Variants in DLG2 observed in about 807,000 individuals in gnomAD.
The protein encoded by DLG2 is disks large homolog 2.
DLG2 carries 45 observed loss-of-function variants against 132.5 expected under a neutral mutation model. That is an observed-to-expected ratio of 0.34 (90% CI 0.27 to 0.44). The LOEUF (loss-of-function observed/expected upper bound fraction) is 0.44. Among genes scored for constraint, DLG2 ranks in the 20% least tolerant of loss-of-function variants. The pLI is 1.00. For synonymous variants in DLG2, 424 were observed against 419.6 expected (o/e 1.01, Z -0.13); for missense variants, 1,045 against 1,196.9 (o/e 0.87, Z 1.87).
intron 6 of DLG2, among the ~76,000 whole-genome samples, chr11:84,838,587 C>T (rs758334189): frequency 1.3e-5 from 2 of 151,880 alleles, no homozygotes; most frequent in African/African-American, 2.4e-5. Flanking sequence ...CATTTTTATT[C>T]ATAATCCCTA....
intron 20 of DLG2, 58 bp from the exon 21 acceptor site, chr11:83,532,841 C>T: frequency 1.4e-6 from 2 of 1,434,716 alleles, no homozygotes; most frequent in South Asian, 1.2e-5. Flanking sequence ...TGACTAAGTT[C>T]CATATTAAGT....
At chr11:84,546,217 C>T (rs1244036995) in intron 6 of DLG2, among the ~76,000 whole-genome samples, 1 of 152,142 alleles carries the variant, frequency 6.6e-6, no homozygotes, top group African/African-American at 2.4e-5. Context: ...TTAGCATCAT[C>T]TCCCTGGTGC....
intron 21 of DLG2, among the ~76,000 whole-genome samples, chr11:83,500,298 A>T (rs2094399575): frequency 6.6e-6 from 1 of 152,116 alleles, no homozygotes; most frequent in Non-Finnish European, 1.5e-5. Context: ...TAATTAGGCA[A>T]GCCTTCTAAC....
rs141330363 is a variant in DLG2 at position 84,510,585 on chromosome 11, T to C, written c.519+23985A>G. Among the ~76,000 whole-genome samples, 1,405 of 152,258 alleles carry C rather than the reference T, an allele frequency of 9.2e-3. 15 individuals carry two copies. The highest frequency in any genetic ancestry group is 0.031 in the Middle Eastern group (9 of 294). On this transcript the variant is annotated intron_variant, in intron 7 of 27. Transcript: ENST00000376104. ...GAGAATAACAATAGTACTAACCTCATAGAATTGTTGTGAGGAATAGTATCC... is the reference window on the plus strand; with the variant it reads ...GAGAATAACAATAGTACTAACCTCACAGAATTGTTGTGAGGAATAGTATCC...
At chr11:84,631,421 A>C (rs74726121) in intron 6 of DLG2, among the ~76,000 whole-genome samples, 14,325 of 152,228 alleles carry the variant, frequency 0.094, 846 homozygotes, top group Admixed American at 0.16. Flanking sequence ...GCTATAGAGA[A>C]AATGATTTAA....
chr11:84,348,527 C>T (rs2098548825), intron 7 of DLG2, among the ~76,000 whole-genome samples: 1 of 152,142 alleles, frequency 6.6e-6, no homozygotes, highest in Non-Finnish European at 1.5e-5. Flanking sequence ...ATTTCTCAAA[C>T]CCTTAATATG....
At chr11:84,399,310 GT>G (rs2098821581) in intron 7 of DLG2, among the ~76,000 whole-genome samples, 2 of 151,982 alleles carry the variant, frequency 1.3e-5, no homozygotes, top group Non-Finnish European at 2.9e-5. Flanking sequence ...ATAGCCCTTT[GT>G]AGACACTTTC....
intron 3 of DLG2, among the ~76,000 whole-genome samples, chr11:85,325,064 C>T (rs372150983): frequency 1.4e-4 from 7 of 50,966 alleles, no homozygotes; most frequent in South Asian, 1.8e-3. Context: ...CTTTTCAGAC[C>T]GGCTTAAGAA....
At chr11:84,819,082 C>CACACACACACAT (rs1197962426) in intron 6 of DLG2, among the ~76,000 whole-genome samples, 3 of 144,576 alleles carry the variant, frequency 2.1e-5, no homozygotes, top group African/African-American at 7.8e-5. Flanking sequence ...CAAATACACA[C>CACACACACACAT]ACACACACAC....
At chr11:85,259,942 G>T (rs990126904) in intron 4 of DLG2, among the ~76,000 whole-genome samples, 1 of 152,080 alleles carries the variant, frequency 6.6e-6, no homozygotes, top group Non-Finnish European at 1.5e-5. Flanking sequence ...GTTTTTTAAA[G>T]TAATAAATGA....
At chr11:85,522,111 T>C (rs766156434) in intron 3 of DLG2, among the ~76,000 whole-genome samples, 2 of 152,156 alleles carry the variant, frequency 1.3e-5, no homozygotes, top group Non-Finnish European at 2.9e-5. Flanking sequence ...AAAAATTGTT[T>C]CCTGGGTTGG....
intron 6 of DLG2, among the ~76,000 whole-genome samples, chr11:85,010,175 A>C (rs947113611): frequency 4.6e-5 from 7 of 152,076 alleles, no homozygotes; most frequent in Non-Finnish European, 1.5e-5. Flanking sequence ...ATTATCAGTA[A>C]AGTGAAATTT....
intron 4 of DLG2, among the ~76,000 whole-genome samples, chr11:85,200,785 G>A (rs996718088): frequency 1.3e-5 from 2 of 152,004 alleles, no homozygotes; most frequent in African/African-American, 4.8e-5. Flanking sequence ...AGATCCCAAG[G>A]GACCTCCCTC....
At chr11:84,797,858 G>C (rs567864366) in intron 6 of DLG2, among the ~76,000 whole-genome samples, 30 of 152,282 alleles carry the variant, frequency 2.0e-4, no homozygotes, top group Non-Finnish European at 2.8e-4. Context: ...TTCTTGGGAA[G>C]TCTTTCCAAG....
At chr11:84,603,736 A>T (rs1356167206) in intron 6 of DLG2, among the ~76,000 whole-genome samples, 1 of 151,962 alleles carries the variant, frequency 6.6e-6, no homozygotes, top group Non-Finnish European at 1.5e-5. Context: ...TTGGTTTATG[A>T]CAAGATTATC....
chr11:85,580,504 A>G (rs1262197675), intron 3 of DLG2, among the ~76,000 whole-genome samples: 1 of 152,254 alleles, frequency 6.6e-6, no homozygotes, highest in Admixed American at 6.5e-5. Context: ...AGATGACAAT[A>G]GTAGCAAACA....
chr11:84,398,659 G>C (rs1240609836), intron 7 of DLG2, among the ~76,000 whole-genome samples: 4 of 152,092 alleles, frequency 2.6e-5, no homozygotes, highest in Non-Finnish European at 4.4e-5. Context: ...ATTTTAGATG[G>C]ACAGCAAAGG....
At chr11:85,259,324 A>G (rs1380764305) in intron 4 of DLG2, among the ~76,000 whole-genome samples, 2 of 151,972 alleles carry the variant, frequency 1.3e-5, no homozygotes, top group African/African-American at 4.8e-5. Flanking sequence ...GCCTTCCACC[A>G]TGATTGTAAG....
chr11:83,671,963 C>T (rs749559629), intron 18 of DLG2, among the ~76,000 whole-genome samples: 28 of 152,092 alleles, frequency 1.8e-4, no homozygotes, highest in Middle Eastern at 3.2e-3. Flanking sequence ...AGTGTTTCCC[C>T]TATGTCTCTT....
Sources: allele counts gnomAD v4.1 joint callset (sites outside exome capture counted in the v4.1 genomes callset), GRCh38; gene constraint gnomAD v4.1.1; transcripts MANE v1.5; gene names NCBI Gene and HGNC (gene_info 2026-07-23, HGNC 2026-07-21).